The following KIAA1958 variants were observed in gnomAD, a reference collection of about 807,000 sequenced individuals.
KIAA1958 encodes the protein uncharacterized protein KIAA1958.
Under a neutral mutation model 47.2 loss-of-function variants are expected in KIAA1958, and 14 were observed. That is an observed-to-expected ratio of 0.30 (90% CI 0.20 to 0.46). The LOEUF (loss-of-function observed/expected upper bound fraction) is 0.46. Ranked by LOEUF, KIAA1958 falls within the 20% of genes least tolerant of loss-of-function variation. The pLI is 1.00. For missense variants in KIAA1958, 803 were observed against 909.2 expected, an observed-to-expected ratio of 0.88 and a Z score of 1.50; for synonymous variants, 354 against 353.3, an observed-to-expected ratio of 1.00 and a Z score of -0.02.
chr9:112,658,702 G>A (rs1219629421), intron 3 of KIAA1958, among the ~76,000 whole-genome samples: 1 of 152,022 alleles, frequency 6.6e-6, no homozygotes, highest in East Asian at 1.9e-4. Context: ...GCTGACGCCT[G>A]TAATCCCAGC....
Position 112,663,473 on chromosome 9 carries a change from T to C in KIAA1958, c.*3404T>C, listed in dbSNP as rs1486849079. The C allele has an allele frequency of 6.6e-6, 1 of 152,228 alleles. No homozygotes were observed. Among genetic ancestry groups the C allele is most frequent in the African/African-American group, 2.4e-5 (1 of 41,454 alleles). The allele number at this position is 152,228 out of a possible 1,614,324, so 9.4% of individuals were successfully genotyped here. A position where few individuals can be genotyped will look rare whatever the true frequency, so the allele number is the denominator to read the frequency against. On this transcript the variant is annotated 3_prime_UTR_variant, in exon 4 of 4. Transcript: ENST00000337530. The stretch of plus-strand genomic sequence containing the variant: ...CCACTTATTTCTTCCATTATGGAGA[T>C]TCTGTCTCCCTTAAACTGTTAAACT...
Position 112,660,604 on chromosome 9 carries a change from A to C in KIAA1958, c.*535A>C, listed in dbSNP as rs1373218618. Reference sequence around the variant, plus strand: ...GGTGGATAAGGTGGTTCTGGAGGGCAGGCAGCCTTGTGTCGGGGAGTATCC... The same window carrying C: ...GGTGGATAAGGTGGTTCTGGAGGGCCGGCAGCCTTGTGTCGGGGAGTATCC... On this transcript the variant is annotated 3_prime_UTR_variant, in exon 4 of 4. Coordinates refer to ENST00000337530, the MANE Select transcript of KIAA1958 (RefSeq NM_133465.4). The C allele has an allele frequency of 6.4e-6, 1 of 157,060 alleles. No individual in the cohort carries two copies. Among genetic ancestry groups the C allele is most frequent in the Non-Finnish European group, 1.4e-5 (1 of 70,918 alleles). The allele number at this position is 157,060 out of a possible 1,614,324, so 9.7% of individuals were successfully genotyped here. A position where few individuals can be genotyped will look rare whatever the true frequency, so the allele number is the denominator to read the frequency against.
rs774308380 is a variant in KIAA1958 at position 112,659,403 on chromosome 9, C to G, written c.1485C>G (p.Gly495=). The G allele has an allele frequency of 2.4e-5, 39 of 1,614,194 alleles. No individual in the cohort carries two copies. In the East Asian group the frequency reaches 8.0e-4, roughly 33 times the overall value. Residue 495 remains glycine (G), a synonymous_variant, in exon 4 of 4, where the codon GGC becomes GGG. Coordinates refer to ENST00000337530, the MANE Select transcript of KIAA1958 (RefSeq NM_133465.4). ...LDRILKNAGV[G]FSITSSTFSS... ...GCATCCTGAAGAATGCAGGTGTCGG[C>G]TTTTCCATCACCAGCAGCACCTTCA...
At chr9:112,516,063 C>A (rs1351684562) in intron 1 of KIAA1958, among the ~76,000 whole-genome samples, 1 of 152,104 alleles carries the variant, frequency 6.6e-6, no homozygotes, top group Non-Finnish European at 1.5e-5. Context: ...TGTCTGTATT[C>A]ACTGACAAAA....
intron 3 of KIAA1958, among the ~76,000 whole-genome samples, chr9:112,654,008 T>C (rs1357559294): frequency 1.3e-5 from 2 of 152,162 alleles, no homozygotes; most frequent in African/African-American, 4.8e-5. Context: ...ATAAGTCACG[T>C]GGCTAGCCCA....
intron 1 of KIAA1958, among the ~76,000 whole-genome samples, chr9:112,507,549 A>G (rs1476835401): frequency 6.6e-6 from 1 of 152,036 alleles, no homozygotes; most frequent in African/African-American, 2.4e-5. Flanking sequence ...GGGCCTCACA[A>G]TATTGCTCAG....
chr9:112,575,261 A>G lies in KIAA1958; in HGVS notation c.1171+10A>G. ...GCACAGTGCATACCAGGTATGGCACATGAGGCGACAGTGAGTCCCTCATCC... is the reference window on the plus strand; with the variant it reads ...GCACAGTGCATACCAGGTATGGCACGTGAGGCGACAGTGAGTCCCTCATCC... On this transcript the variant is annotated intron_variant, in intron 2 of 3. Coordinates refer to ENST00000337530, the MANE Select transcript of KIAA1958 (RefSeq NM_133465.4). 3 of 1,501,326 alleles carry G rather than the reference A, an allele frequency of 2.0e-6. No homozygotes were observed. The highest frequency in any genetic ancestry group is 2.7e-6 in the Non-Finnish European group (3 of 1,128,630). The allele number at this position is 1,501,326 out of a possible 1,614,324, so 93.0% of individuals were successfully genotyped here.
Position 112,595,177 on chromosome 9 carries a change from A to G in KIAA1958, c.1171+19926A>G, listed in dbSNP as rs577198435. 3.3e-5 allele frequency among the ~76,000 whole-genome samples: 5 copies of G among 152,336 alleles called. No homozygotes were observed. The South Asian group carries it at 8.3e-4, about 25-fold the overall frequency. ...AGCAGAATTTTATTAATTTCCATAT[A>G]AAAGGACACATAACTGTGACAATAA... On this transcript the variant is annotated intron_variant, in intron 2 of 3. Transcript: ENST00000337530.
intron 1 of KIAA1958, among the ~76,000 whole-genome samples, chr9:112,542,469 CAAAG>C (rs1384078055): frequency 1.3e-5 from 2 of 152,060 alleles, no homozygotes; most frequent in African/African-American, 4.8e-5. Context: ...AATATTTTCA[CAAAG>C]AATATATTCA....
At chr9:112,544,269 G>C (rs1834992512) in intron 1 of KIAA1958, among the ~76,000 whole-genome samples, 1 of 152,206 alleles carries the variant, frequency 6.6e-6, no homozygotes, top group Non-Finnish European at 1.5e-5. Flanking sequence ...AGATCTGAGA[G>C]GGCCCTGCGA....
chr9:112,563,065 GTC>G (rs1554724186), intron 1 of KIAA1958, among the ~76,000 whole-genome samples: 18 of 126,608 alleles, frequency 1.4e-4, no homozygotes, highest in South Asian at 7.9e-4. Context: ...CTCTGTCTCT[GTC>G]TCTCTCTCTC....
At chr9:112,533,188 A>ATATAAAGTCTCTAATTTTTTAAGGG (rs1267164525) in intron 1 of KIAA1958, among the ~76,000 whole-genome samples, 1 of 152,070 alleles carries the variant, frequency 6.6e-6, no homozygotes, top group Non-Finnish European at 1.5e-5. Flanking sequence ...ATTCTTATAT[A>ATATAAAGTCTCTAATTTTTTAAGGG]TATAAAGTCT....
intron 1 of KIAA1958, among the ~76,000 whole-genome samples, chr9:112,502,694 G>C (rs889494152): frequency 6.6e-6 from 1 of 152,230 alleles, no homozygotes; most frequent in African/African-American, 2.4e-5. Flanking sequence ...TTTGTCTGGT[G>C]CAACCCCACA....
At chr9:112,522,035 A>C (rs920009189) in intron 1 of KIAA1958, among the ~76,000 whole-genome samples, 1 of 151,674 alleles carries the variant, frequency 6.6e-6, no homozygotes, top group Non-Finnish European at 1.5e-5. Context: ...GCAGTGGTGC[A>C]ATCTTGGCTC....
rs1158029258 is a variant in KIAA1958, at chr9:112,662,491, T to A, written c.*2422T>A. ...ACGCACAATATGTGGTTAAGCCTGGTAAGCCTGCTAAAATGGCAAAGCGGC... is the reference window on the plus strand; with the variant it reads ...ACGCACAATATGTGGTTAAGCCTGGAAAGCCTGCTAAAATGGCAAAGCGGC... On this transcript the variant is annotated 3_prime_UTR_variant, in exon 4 of 4. Coordinates refer to ENST00000337530, the MANE Select transcript of KIAA1958 (RefSeq NM_133465.4). 6.6e-6 allele frequency: 1 copy of A among 151,140 alleles called. No individual in the cohort carries two copies. The highest frequency in any genetic ancestry group is 1.5e-5 in the Non-Finnish European group (1 of 68,024). The allele number at this position is 151,140 out of a possible 1,614,324, so 9.4% of individuals were successfully genotyped here. A position where few individuals can be genotyped will look rare whatever the true frequency, so the allele number is the denominator to read the frequency against.
rs1266249863 is a variant in KIAA1958, at chr9:112,618,820, T to C, written c.1172-26830T>C. On this transcript the variant is annotated intron_variant, in intron 2 of 3. Transcript: ENST00000337530. The surrounding 1 kb of genome is among the most constrained non-coding windows in gnomAD (Gnocchi z 7.1). ...ACCAGCTCGTGCTGATCTGTAACAA[T>C]CTGAGCCAGCAGGCTGCCCAGTCAG... 2.6e-6 allele frequency: 4 copies of C among 1,550,492 alleles called. No individual in the cohort carries two copies. Among genetic ancestry groups the C allele is most frequent in the South Asian group, 2.4e-5 (2 of 84,054 alleles).
chr9:112,648,864 C>G (rs1015297514), intron 3 of KIAA1958, among the ~76,000 whole-genome samples: 1 of 152,046 alleles, frequency 6.6e-6, no homozygotes, highest in Admixed American at 6.5e-5. Context: ...TGCAATGAAG[C>G]AAGAAAATAC....
chr9:112,580,201 T>C (rs1835713404), intron 2 of KIAA1958, among the ~76,000 whole-genome samples: 2 of 152,154 alleles, frequency 1.3e-5, no homozygotes, highest in African/African-American at 4.8e-5. Context: ...TCCAAGAACA[T>C]TCTAGGTATG....
At chr9:112,553,127 C>T (rs1471936172) in intron 1 of KIAA1958, among the ~76,000 whole-genome samples, 1 of 144,758 alleles carries the variant, frequency 6.9e-6, no homozygotes, top group African/African-American at 2.5e-5. Flanking sequence ...CTCTCCTCTC[C>T]TCCCCTCCCC....
Sources: gnomAD v4.1 joint callset for allele counts (sites outside exome capture counted in the v4.1 genomes callset) on GRCh38, gnomAD v4.1.1 for gene constraint, Gnocchi (gnomAD v3.1) non-coding constraint, MANE v1.5 for transcripts, NCBI Gene and HGNC (gene_info 2026-07-23, HGNC 2026-07-21) for gene names.